AK5: variants seen among roughly 807,000 people sequenced by gnomAD.
AK5 encodes the protein adenylate kinase 5.
AK5 carries 27 observed loss-of-function variants against 69.5 expected under a neutral mutation model. The observed-to-expected ratio is 0.39, with a 90% CI of 0.29 to 0.54. The LOEUF is 0.54. AK5 is among the 20% of genes least tolerant of loss of function. The probability of loss-of-function intolerance (pLI) is 0.71; values close to 1 mark genes in which losing one functional copy is unlikely to be tolerated. For synonymous variants in AK5, 260 were observed against 244.4 expected, an observed-to-expected ratio of 1.06 and a Z score of -0.60; for missense variants, 531 against 700.4, an observed-to-expected ratio of 0.76 and a Z score of 2.73.
chr1:77,395,092 T>C (rs1648745234), intron 6 of AK5, among the ~76,000 whole-genome samples: 1 of 152,090 alleles, frequency 6.6e-6, no homozygotes, highest in African/African-American at 2.4e-5. Flanking sequence ...GATATTGATC[T>C]CCTACACTGC....
At chr1:77,310,449 G>C (rs999898708) in intron 5 of AK5, among the ~76,000 whole-genome samples, 2 of 151,780 alleles carry the variant, frequency 1.3e-5, no homozygotes, top group Non-Finnish European at 2.9e-5. Flanking sequence ...ATGCGATCTC[G>C]GCTCACTGCA....
chr1:77,373,197 A>G (rs973478783), intron 6 of AK5, among the ~76,000 whole-genome samples: 5 of 152,110 alleles, frequency 3.3e-5, no homozygotes, highest in African/African-American at 1.2e-4. Context: ...CCTTGCCAGC[A>G]TGGGCACTCT....
At chr1:77,404,287 G>C (rs1365252318) in intron 6 of AK5, among the ~76,000 whole-genome samples, 1 of 152,142 alleles carries the variant, frequency 6.6e-6, no homozygotes, top group Non-Finnish European at 1.5e-5. Flanking sequence ...GGTACTGTAG[G>C]ATATTTAGCA....
chr1:77,506,271 T>G (rs60708769), intron 10 of AK5, among the ~76,000 whole-genome samples: 30,353 of 151,672 alleles, frequency 0.2, 3,242 homozygotes, highest in Non-Finnish European at 0.22. Flanking sequence ...TTTCATTTTT[T>G]GGGGTTTTTT....
intron 2 of AK5, chr1:77,293,569 C>A: frequency 2.6e-6 from 1 of 380,068 alleles, no homozygotes. Context: ...CACTTTCATA[C>A]TACCATGGCC....
chr1:77,406,162 T>C (rs974275894), intron 6 of AK5, among the ~76,000 whole-genome samples: 3 of 152,140 alleles, frequency 2.0e-5, no homozygotes, highest in Non-Finnish European at 4.4e-5. Flanking sequence ...AAGCAGTGCA[T>C]TGAGATGGCA....
chr1:77,494,877 G>C (rs963476566), intron 10 of AK5, among the ~76,000 whole-genome samples: 2 of 151,656 alleles, frequency 1.3e-5, no homozygotes, highest in African/African-American at 4.8e-5. Context: ...CGCCTCCCAG[G>C]TTCACGCCAT....
chr1:77,522,129 G>A (rs61777071), intron 12 of AK5, among the ~76,000 whole-genome samples, 186 bp downstream of exon 12: 4,673 of 152,294 alleles, frequency 0.031, 66 homozygotes, highest in Middle Eastern at 0.078. Context: ...ACACCCAGCA[G>A]TGGTTTAGAT....
chr1:77,364,735 G>C lies in AK5; in HGVS notation c.891+24167G>C, dbSNP rs577131956. Among the ~76,000 whole-genome samples the C allele has an allele frequency of 2.6e-5, 4 of 152,262 alleles. No individual in the cohort carries two copies. In the South Asian group the frequency reaches 8.3e-4, roughly 32 times the overall value. ...TTTTGTGACTGAATAGTATTCTGTT[G>C]GATGTGTATAGGACATTTAGTTTAT... On this transcript the variant is annotated intron_variant, in intron 6 of 13. Transcript: ENST00000354567.
At chr1:77,536,151 CTG>C (rs1017861798) in intron 13 of AK5, 113 bp downstream of exon 13, 4 of 1,203,680 alleles carry the variant, frequency 3.3e-6, no homozygotes, top group Non-Finnish European at 4.5e-6. Context: ...AATTAGAACT[CTG>C]TGCAGCTGCA....
chr1:77,408,221 A>T (rs537267633), intron 6 of AK5, among the ~76,000 whole-genome samples: 3 of 152,350 alleles, frequency 2.0e-5, no homozygotes, highest in Admixed American at 2.0e-4. Context: ...ACTGCATTCC[A>T]CAGTGGCTGA....
intron 6 of AK5, among the ~76,000 whole-genome samples, chr1:77,352,050 C>A (rs1425021494): frequency 1.3e-5 from 2 of 151,884 alleles, no homozygotes; most frequent in Non-Finnish European, 2.9e-5. Flanking sequence ...CTGCCTCAGC[C>A]TCCCAAGTAG....
intron 10 of AK5, among the ~76,000 whole-genome samples, chr1:77,514,196 C>G (rs1312452883): frequency 6.6e-6 from 1 of 152,146 alleles, no homozygotes; most frequent in African/African-American, 2.4e-5. Flanking sequence ...ATTCCACAAT[C>G]TCTTTGTGAA....
At chr1:77,540,437 A>G (rs562423607) in intron 13 of AK5, 1 of 152,218 alleles carries the variant, frequency 6.6e-6, no homozygotes, top group Non-Finnish European at 1.5e-5. Flanking sequence ...GGCACTTCCT[A>G]CCAAGTCTGA....
chr1:77,449,010 G>A (rs749562493), intron 8 of AK5, among the ~76,000 whole-genome samples: 2 of 152,290 alleles, frequency 1.3e-5, no homozygotes, highest in Non-Finnish European at 2.9e-5. Flanking sequence ...CTGCAGGGGC[G>A]GGCTCTCATA....
chr1:77,508,919 G>T (rs1163679062), intron 10 of AK5, among the ~76,000 whole-genome samples: 2 of 151,978 alleles, frequency 1.3e-5, no homozygotes, highest in African/African-American at 4.8e-5. Context: ...ACAGGCATGG[G>T]GAGAAGCACT....
At chr1:77,417,746 T>C (rs1650528059) in intron 8 of AK5, 31 bp downstream of exon 8, 1 of 1,361,512 alleles carries the variant, frequency 7.3e-7, no homozygotes, top group African/African-American at 1.4e-5. Flanking sequence ...GTTCTCTATT[T>C]AAATGTTTTT....
chr1:77,512,976 G>A (rs1238521643), intron 10 of AK5, among the ~76,000 whole-genome samples: 2 of 152,230 alleles, frequency 1.3e-5, no homozygotes, highest in African/African-American at 4.8e-5. Context: ...GCAGAAAGTT[G>A]GTGATTATTT....
chr1:77,367,739 T>TTATATGTTA (rs1647003731), intron 6 of AK5, among the ~76,000 whole-genome samples: 1 of 11,674 alleles, frequency 8.6e-5, no homozygotes. Flanking sequence ...TATATATACG[T>TTATATGTTA]TATATGTTAT....
Sources: gnomAD v4.1 joint callset for allele counts (sites outside exome capture counted in the v4.1 genomes callset) on GRCh38, gnomAD v4.1.1 for gene constraint, MANE v1.5 for transcripts, NCBI Gene and HGNC (gene_info 2026-07-23, HGNC 2026-07-21) for gene names.